Variants in C21orf58 observed in about 807,000 individuals in gnomAD.
C21orf58 encodes chromosome 21 open reading frame 58.
Under a neutral mutation model 35.8 loss-of-function variants are expected in C21orf58, and 34 were observed. The observed-to-expected ratio is 0.95, with a 90% CI of 0.72 to 1.26. C21orf58 has a LOEUF of 1.26. C21orf58 is among the 50% of genes most tolerant of loss of function. C21orf58 has a pLI of 0.00. For missense variants in C21orf58, 440 were observed against 414.3 expected, an observed-to-expected ratio of 1.06 and a Z score of -0.54; for synonymous variants, 191 against 175.8, an observed-to-expected ratio of 1.09 and a Z score of -0.68.
intron 6 of C21orf58, among the ~76,000 whole-genome samples, chr21:46,311,117 C>T (rs2082666138): frequency 1.3e-5 from 2 of 152,074 alleles, no homozygotes; most frequent in Non-Finnish European, 2.9e-5. Context: ...GGTAATCCAC[C>T]CGCCTCAGCC....
intron 6 of C21orf58, among the ~76,000 whole-genome samples, chr21:46,305,312 T>C (rs1304962262): frequency 4.6e-5 from 7 of 150,816 alleles, no homozygotes; most frequent in Non-Finnish European, 1.0e-4. Context: ...TTTTTTTTTT[T>C]AATCACAAAT....
chr21:46,314,848 G>A lies in C21orf58; in HGVS notation c.477C>T (p.Ala159=). The A allele has an allele frequency of 6.4e-7, 1 of 1,550,410 alleles. No homozygotes were observed. Among genetic ancestry groups the A allele is most frequent in the African/African-American group, 1.4e-5 (1 of 73,170 alleles). The change falls in exon 5 of 8, where the codon GCC becomes GCT. Residue 159 remains alanine, a synonymous_variant. Transcript: ENST00000291691. ...CTCTGCTTGGCCCGCTCCAGGCCTG[G>A]GCCCGAGAGAGCTCGTCCAGGAGGT... The part of the protein sequence containing the change: ...EQHLLDELSR[A]QAWSGPSRGA...
intron 6 of C21orf58, among the ~76,000 whole-genome samples, chr21:46,305,957 A>C (rs1241911339): frequency 4.0e-5 from 6 of 150,898 alleles, no homozygotes; most frequent in Admixed American, 1.3e-4. Context: ...AAAAGAAAAG[A>C]ATCTTGAGTG....
chr21:46,319,757 C>T (rs529583187), intron 1 of C21orf58, among the ~76,000 whole-genome samples: 17 of 151,502 alleles, frequency 1.1e-4, no homozygotes, highest in African/African-American at 3.4e-4. Context: ...ATTAGCCAGG[C>T]GTCGTGGTAG....
chr21:46,314,843 G>C lies in C21orf58; in HGVS notation c.482C>G (p.Ala161Gly). 6.4e-7 allele frequency: 1 copy of C among 1,550,394 alleles called. No individual in the cohort carries two copies. The highest frequency in any genetic ancestry group is 2.4e-5 in the East Asian group (1 of 40,928). ...HLLDELSRAQAWSGPSRGALG... is the reference protein window; with the variant it reads ...HLLDELSRAQGWSGPSRGALG... ...GGCTCCTCTGCTTGGCCCGCTCCAGGCCTGGGCCCGAGAGAGCTCGTCCAG... is the reference window on the plus strand; with the variant it reads ...GGCTCCTCTGCTTGGCCCGCTCCAGCCCTGGGCCCGAGAGAGCTCGTCCAG... The change falls in exon 5 of 8, where the codon GCC becomes GGC. Residue 161 changes from alanine to glycine, a missense_variant. Physicochemically the swap from Ala to Gly is moderately conservative, Grantham distance 60 (BLOSUM62 0). Coordinates refer to ENST00000291691, the MANE Select transcript of C21orf58 (RefSeq NM_058180.5).
intron 6 of C21orf58, among the ~76,000 whole-genome samples, chr21:46,304,647 T>C (rs920917209): frequency 6.6e-6 from 1 of 152,212 alleles, no homozygotes; most frequent in Non-Finnish European, 1.5e-5. Context: ...CTCTGGCGAC[T>C]GAAATTCTCA....
At position 46,305,228 on chromosome 21, in the gene C21orf58, G is replaced by A. The variant is rs529770791; in HGVS notation, c.722-2652C>T. Among the ~76,000 whole-genome samples, 21 of 152,134 alleles carry A rather than the reference G, an allele frequency of 1.4e-4. No homozygotes were observed. The South Asian group carries it at 1.5e-3, about 11-fold the overall frequency. ...GATTTGCAAGATAAAAATGTTCTGC[G>A]GCACAGCAGTGACTACAGTTAACGC... On this transcript the variant is annotated intron_variant, in intron 6 of 7. Transcript: ENST00000291691.
At chr21:46,316,526 G>T (rs921006645) in intron 3 of C21orf58, among the ~76,000 whole-genome samples, 3 of 152,210 alleles carry the variant, frequency 2.0e-5, no homozygotes, top group African/African-American at 7.2e-5. Context: ...AAGGTGGGGG[G>T]CAGGGTTCTG....
intron 1 of C21orf58, among the ~76,000 whole-genome samples, chr21:46,321,330 A>G (rs911293274): frequency 6.6e-6 from 1 of 152,054 alleles, no homozygotes; most frequent in Non-Finnish European, 1.5e-5. Context: ...CATCATGCCC[A>G]GCTAATTTTT....
intron 6 of C21orf58, among the ~76,000 whole-genome samples, chr21:46,310,326 C>T (rs1601668413): frequency 6.6e-6 from 1 of 150,646 alleles, no homozygotes; most frequent in South Asian, 2.1e-4. Context: ...AAAAATACAA[C>T]AAAATAGCTG....
intron 6 of C21orf58, among the ~76,000 whole-genome samples, chr21:46,311,001 A>G (rs2082660848): frequency 6.6e-6 from 1 of 151,730 alleles, no homozygotes; most frequent in African/African-American, 2.4e-5. Flanking sequence ...CCTCCCAAGT[A>G]GCTGGGATTA....
At chr21:46,305,186 C>T (rs2082355762) in intron 6 of C21orf58, among the ~76,000 whole-genome samples, 1 of 152,016 alleles carries the variant, frequency 6.6e-6, no homozygotes. Flanking sequence ...TGACGTAGTC[C>T]GACGGGTGGA....
At chr21:46,314,113 T>G (rs1373591246) in intron 5 of C21orf58, among the ~76,000 whole-genome samples, 1 of 151,502 alleles carries the variant, frequency 6.6e-6, no homozygotes, top group Non-Finnish European at 1.5e-5. Context: ...GCCTTAAGCA[T>G]CTCCTGGGCA....
Position 46,313,319 on chromosome 21 carries a change from G to T in C21orf58, c.609+1397C>A, listed in dbSNP as rs1308176087. On this transcript the variant is annotated intron_variant, in intron 5 of 7. Transcript: ENST00000291691. ...AAAAATGTAAAACCATTCTTGGCTT[G>T]CAGGTTGTGTGAGAATAGGAGGCAG... Among the ~76,000 whole-genome samples the T allele has an allele frequency of 2.0e-5, 3 of 152,228 alleles. No homozygotes were observed. The South Asian group carries it at 6.2e-4, about 32-fold the overall frequency.
intron 5 of C21orf58, among the ~76,000 whole-genome samples, chr21:46,313,943 C>T (rs1283099254): frequency 6.6e-6 from 1 of 152,182 alleles, no homozygotes; most frequent in Non-Finnish European, 1.5e-5. Context: ...CCCCCAGCTT[C>T]CATCCCACCT....
In C21orf58 at chr21:46,323,551, C is replaced by T. The variant is rs965205539; in HGVS notation, c.-813G>A. 3.9e-5 allele frequency: 6 copies of T among 153,596 alleles called. No homozygotes were observed. Among genetic ancestry groups the T allele is most frequent in the African/African-American group, 1.4e-4 (6 of 41,430 alleles). The allele number at this position is 153,596 out of a possible 1,614,324, so 9.5% of individuals were successfully genotyped here. The stretch of plus-strand genomic sequence containing the variant: ...CGAGTTCTTCTCTGAAGACCCAGGA[C>T]CCCCGGCCGAGGGGGCGCATTCGGC... On this transcript the variant is annotated 5_prime_UTR_variant, in exon 1 of 8. Transcript: ENST00000291691.
At chr21:46,314,542 G>C (rs1232552178) in intron 5 of C21orf58, among the ~76,000 whole-genome samples, 174 bp downstream of exon 5, 1 of 152,244 alleles carries the variant, frequency 6.6e-6, no homozygotes, top group Non-Finnish European at 1.5e-5. Context: ...AGCAGTCCGG[G>C]GAGGCCCAGG....
At chr21:46,304,804 G>A (rs1266303445) in intron 6 of C21orf58, among the ~76,000 whole-genome samples, 1 of 152,208 alleles carries the variant, frequency 6.6e-6, no homozygotes, top group Non-Finnish European at 1.5e-5. Flanking sequence ...CTTGAGCGGG[G>A]ACGGAAGCAA....
At position 46,304,187 on chromosome 21, in the gene C21orf58, C is replaced by T. The variant is rs568814752; in HGVS notation, c.722-1611G>A. Among the ~76,000 whole-genome samples the T allele has an allele frequency of 3.4e-3, 514 of 151,162 alleles. 1 individual carries two copies. The highest frequency in any genetic ancestry group is 5.6e-3 in the Non-Finnish European group (378 of 67,800). ...GACTACAAGCACCCGCCACCACGCC[C>T]GGCTAATTTTGTTTTTGTATTTTTA... On this transcript the variant is annotated intron_variant, in intron 6 of 7. Transcript: ENST00000291691.
Sources: gnomAD v4.1 joint callset for allele counts (sites outside exome capture counted in the v4.1 genomes callset) on GRCh38, gnomAD v4.1.1 for gene constraint, MANE v1.5 for transcripts, NCBI Gene and HGNC (gene_info 2026-07-23, HGNC 2026-07-21) for gene names.